PLCE1: variants seen among roughly 807,000 people sequenced by gnomAD.
The protein encoded by PLCE1 is phospholipase C epsilon 1.
In PLCE1, 119 loss-of-function variants were observed where a neutral mutation model predicts 242.8. The observed-to-expected ratio is 0.49, with a 90% CI of 0.42 to 0.57. The LOEUF is 0.57. Among genes scored for constraint, PLCE1 ranks in the 20% least tolerant of loss-of-function variants. The pLI, the probability that PLCE1 is intolerant of heterozygous loss-of-function variation, is 0.00. For synonymous variants in PLCE1, 945 were observed against 1,017.4 expected, an observed-to-expected ratio of 0.93 and a Z score of 1.35; for missense variants, 2,441 against 2,788.8, an observed-to-expected ratio of 0.88 and a Z score of 2.81.
At chr10:94,200,569 T>G (rs1264167852) in intron 4 of PLCE1, among the ~76,000 whole-genome samples, 1 of 152,128 alleles carries the variant, frequency 6.6e-6, no homozygotes, top group East Asian at 1.9e-4. Context: ...GCAAAAGAAC[T>G]CCAAATAACT....
chr10:94,259,248 T>C, intron 13 of PLCE1, 98 bp downstream of exon 13: 1 of 1,223,568 alleles, frequency 8.2e-7, no homozygotes. Flanking sequence ...TCCCACATAG[T>C]GTGCTATTAC....
intron 19 of PLCE1, among the ~76,000 whole-genome samples, chr10:94,275,450 G>A (rs916960405): frequency 9.2e-5 from 14 of 152,066 alleles, no homozygotes; most frequent in African/African-American, 3.1e-4. Flanking sequence ...AGTATTCTAG[G>A]TAGTATATTA....
intron 2 of PLCE1, among the ~76,000 whole-genome samples, chr10:94,076,018 G>A (rs935690572): frequency 2.0e-5 from 3 of 152,128 alleles, no homozygotes; most frequent in Non-Finnish European, 4.4e-5. Flanking sequence ...TGGCACCTTG[G>A]AGAGGTTAAG....
chr10:94,122,109 C>T (rs903191823), intron 2 of PLCE1, among the ~76,000 whole-genome samples: 2 of 152,206 alleles, frequency 1.3e-5, no homozygotes, highest in African/African-American at 4.8e-5. Context: ...AACTTTCTGT[C>T]CCTTTCAGCT....
intron 2 of PLCE1, among the ~76,000 whole-genome samples, chr10:94,121,484 G>T (rs545924058): frequency 6.6e-6 from 1 of 152,174 alleles, no homozygotes; most frequent in Non-Finnish European, 1.5e-5. Flanking sequence ...AGGCCAGCAG[G>T]CATGGTCTTG....
intron 32 of PLCE1, among the ~76,000 whole-genome samples, chr10:94,327,546 A>C (rs1008493033): frequency 3.3e-5 from 5 of 152,168 alleles, no homozygotes; most frequent in Non-Finnish European, 7.4e-5. Context: ...AGCAAAAAGA[A>C]AGTTAGTTTA....
intron 29 of PLCE1, among the ~76,000 whole-genome samples, chr10:94,317,606 A>C (rs1780146900): frequency 6.6e-6 from 1 of 152,214 alleles, no homozygotes; most frequent in Non-Finnish European, 1.5e-5. Flanking sequence ...GGCCTGAGTC[A>C]GAATTAGTAA....
intron 16 of PLCE1, 103 bp from the exon 17 acceptor site, chr10:94,268,826 T>C: frequency 1.4e-6 from 1 of 736,918 alleles, no homozygotes; most frequent in Non-Finnish European, 2.5e-6. Flanking sequence ...GCTTTAGTCC[T>C]GAGTGTAAAC....
chr10:94,190,679 A>G (rs1051413733), intron 4 of PLCE1, among the ~76,000 whole-genome samples: 1 of 152,242 alleles, frequency 6.6e-6, no homozygotes, highest in African/African-American at 2.4e-5. Flanking sequence ...TAGGTGTTCA[A>G]CAAGTGCTAA....
chr10:94,323,556 A>G (rs1266799882), intron 30 of PLCE1, among the ~76,000 whole-genome samples: 1 of 152,220 alleles, frequency 6.6e-6, no homozygotes, highest in Non-Finnish European at 1.5e-5. Context: ...CACCACATAG[A>G]CCACCACATA....
chr10:94,114,223 G>C (rs1219664969), intron 2 of PLCE1, among the ~76,000 whole-genome samples: 1 of 152,198 alleles, frequency 6.6e-6, no homozygotes, highest in African/African-American at 2.4e-5. Context: ...AACCTCTAGA[G>C]GGGAAGGAAA....
At chr10:94,117,491 T>A (rs1341044835) in intron 2 of PLCE1, among the ~76,000 whole-genome samples, 1 of 152,232 alleles carries the variant, frequency 6.6e-6, no homozygotes, top group Non-Finnish European at 1.5e-5. Context: ...CTCGTTGCAC[T>A]GACTTCATTT....
intron 32 of PLCE1, among the ~76,000 whole-genome samples, chr10:94,327,632 C>T (rs996795788): frequency 2.0e-5 from 3 of 152,094 alleles, no homozygotes; most frequent in African/African-American, 7.2e-5. Flanking sequence ...CAATAATCTA[C>T]AGATTTTTAA....
At chr10:94,199,268 C>T (rs1033561992) in intron 4 of PLCE1, among the ~76,000 whole-genome samples, 11 of 152,136 alleles carry the variant, frequency 7.2e-5, no homozygotes, top group South Asian at 4.1e-4. Context: ...AATTATTTTA[C>T]GAAGCGTTAT....
intron 27 of PLCE1, among the ~76,000 whole-genome samples, chr10:94,309,275 GGAA>G (rs1450822445): frequency 2.0e-5 from 3 of 152,178 alleles, no homozygotes; most frequent in Admixed American, 6.5e-5. Flanking sequence ...CCTTGAGAAT[GGAA>G]GAAGGACACT....
rs1011557871 is a variant in PLCE1, at chr10:94,094,192, C to T, written c.1207-37982C>T. ...TCCTGACCTCGTGATCCGCCCGCCT[C>T]GGCCTCCCAAAGTGCTGGGATTACA... On this transcript the variant is annotated intron_variant, in intron 2 of 32. Coordinates refer to ENST00000371380, the MANE Select transcript of PLCE1 (RefSeq NM_016341.4). Among the ~76,000 whole-genome samples, 3 of 151,800 alleles carry T rather than the reference C, an allele frequency of 2.0e-5. No individual in the cohort carries two copies. In the South Asian group the frequency reaches 6.2e-4, roughly 32 times the overall value.
In PLCE1 at chr10:94,152,948, G is replaced by A. The variant is rs891785803; in HGVS notation, c.1493-18232G>A. ...CATAGAGCTATTTTAATTGATACTC[G>A]TATCATCAAAGGTTGAAAATGTGAT... On this transcript the variant is annotated intron_variant, in intron 3 of 32. Transcript: ENST00000371380. Among the ~76,000 whole-genome samples the A allele has an allele frequency of 5.9e-5, 9 of 152,030 alleles. No individual in the cohort carries two copies. In the South Asian group the frequency reaches 8.3e-4, roughly 14 times the overall value.
intron 19 of PLCE1, 44 bp downstream of exon 19, chr10:94,273,764 A>G (rs1193085323): frequency 2.7e-5 from 42 of 1,563,228 alleles, no homozygotes; most frequent in Non-Finnish European, 3.6e-5. Flanking sequence ...CAGTGTGCCT[A>G]GAACAAAGAA....
intron 4 of PLCE1, among the ~76,000 whole-genome samples, chr10:94,181,668 G>A (rs557481392): frequency 6.6e-6 from 1 of 152,200 alleles, no homozygotes; most frequent in Admixed American, 6.5e-5. Flanking sequence ...TAGTAGTTTA[G>A]GCATCTGAGG....
Sources: allele counts gnomAD v4.1 joint callset (sites outside exome capture counted in the v4.1 genomes callset), GRCh38; gene constraint gnomAD v4.1.1; transcripts MANE v1.5; gene names NCBI Gene and HGNC (gene_info 2026-07-23, HGNC 2026-07-21).